NRXN1: variants seen among roughly 807,000 people sequenced by gnomAD.
NRXN1 encodes neurexin 1.
In NRXN1, 39 loss-of-function variants were observed where a neutral mutation model predicts 150.9. The observed-to-expected ratio is 0.26, with a 90% confidence interval of 0.20 to 0.34. The LOEUF is 0.34. NRXN1 is among the 10% of genes least tolerant of loss of function. NRXN1 has a pLI of 1.00. For synonymous variants in NRXN1, 924 were observed against 757.0 expected (o/e 1.22, Z -3.62); for missense variants, 1,815 against 1,949.9 (o/e 0.93, Z 1.30).
At chr2:50,483,100 G>A (rs2090602331) in intron 15 of NRXN1, among the ~76,000 whole-genome samples, 1 of 146,712 alleles carries the variant, frequency 6.8e-6, no homozygotes, top group African/African-American at 2.6e-5. Context: ...AACCAAGATG[G>A]CAATGAAAGT....
chr2:50,839,313 T>C (rs890181662), intron 5 of NRXN1, among the ~76,000 whole-genome samples: 4 of 152,154 alleles, frequency 2.6e-5, no homozygotes, highest in Admixed American at 1.3e-4. Context: ...TGCAAGAGGA[T>C]GTGAAATTTA....
chr2:50,116,539 G>T (rs1250429332), intron 18 of NRXN1, among the ~76,000 whole-genome samples: 2 of 151,998 alleles, frequency 1.3e-5, no homozygotes, highest in Non-Finnish European at 2.9e-5. Flanking sequence ...CTTAAAAAGG[G>T]ACCCTTCCAA....
intron 2 of NRXN1, among the ~76,000 whole-genome samples, chr2:51,021,418 T>C (rs369294739): frequency 6.6e-6 from 1 of 152,012 alleles, no homozygotes; most frequent in Non-Finnish European, 1.5e-5. Context: ...GTTTTCATAA[T>C]GTAGCTAAGA....
chr2:50,239,769 T>C (rs1412926321), intron 17 of NRXN1, among the ~76,000 whole-genome samples: 2 of 141,562 alleles, frequency 1.4e-5, no homozygotes, highest in South Asian at 2.2e-4. Flanking sequence ...AAAAGTTAAT[T>C]GGATGTCAGT....
At chr2:50,316,332 T>C (rs1442247671) in intron 17 of NRXN1, among the ~76,000 whole-genome samples, 1 of 152,028 alleles carries the variant, frequency 6.6e-6, no homozygotes, top group East Asian at 1.9e-4. Context: ...TGACTTGTAT[T>C]GGGAATAGTT....
At chr2:50,027,383 T>G (rs1480990697) in intron 21 of NRXN1, among the ~76,000 whole-genome samples, 4 of 139,080 alleles carry the variant, frequency 2.9e-5, no homozygotes, top group Non-Finnish European at 6.2e-5. Context: ...CCTTCCTTCC[T>G]CCCTCCCTTC....
chr2:50,297,339 A>C (rs543188788), intron 17 of NRXN1, among the ~76,000 whole-genome samples: 1 of 152,332 alleles, frequency 6.6e-6, no homozygotes, highest in African/African-American at 2.4e-5. Context: ...TTGGCTATGA[A>C]TACAAATAAG....
chr2:50,223,536 G>T (rs1296965405), intron 18 of NRXN1, among the ~76,000 whole-genome samples: 2 of 151,936 alleles, frequency 1.3e-5, no homozygotes, highest in Non-Finnish European at 2.9e-5. Flanking sequence ...ACGAGTAGCT[G>T]TCTAACCTTA....
chr2:50,586,152 T>A (rs554473902), intron 8 of NRXN1, among the ~76,000 whole-genome samples: 1 of 152,190 alleles, frequency 6.6e-6, no homozygotes, highest in East Asian at 1.9e-4. Flanking sequence ...GCCCCAAACC[T>A]ACTTACCCTC....
At chr2:50,756,521 C>A in intron 5 of NRXN1, among the ~76,000 whole-genome samples, 1 of 151,836 alleles carries the variant, frequency 6.6e-6, no homozygotes, top group East Asian at 1.9e-4. Context: ...ACCCTTTGTT[C>A]TAGCAATTTG....
In NRXN1 at chr2:50,495,968, C is replaced by T; in HGVS notation, c.3007G>A (p.Val1003Ile). ...ISRDTSNLHT[V>I]KIDTKITTQI... ...GTTGTGATTTTTGTGTCAATCTTTA[C>T]AGTGTGGAGGTTGCTGGTGTCCCTT... Residue 1003 changes from valine to isoleucine, a missense_variant, in exon 15 of 23, where the codon GTA becomes ATA. Val to Ile is a conservative substitution (Grantham distance 29). Around this residue, in one of 6 missense-constraint regions of NRXN1, gnomAD observed 339 missense variants for 440.3 expected, o/e 0.77. Coordinates refer to ENST00000401669, the MANE Select transcript of NRXN1 (RefSeq NM_001330078.2). 2 of 1,611,954 alleles carry T rather than the reference C, an allele frequency of 1.2e-6. No homozygotes were observed. Among genetic ancestry groups the T allele is most frequent in the Non-Finnish European group, 1.7e-6 (2 of 1,179,186 alleles).
At chr2:50,554,766 T>G (rs1667994737) in intron 8 of NRXN1, among the ~76,000 whole-genome samples, 1 of 152,170 alleles carries the variant, frequency 6.6e-6, no homozygotes, top group Non-Finnish European at 1.5e-5. Flanking sequence ...ACTAAATAAG[T>G]CACATCTTTC....
chr2:50,868,735 G>A (rs1677334255), intron 5 of NRXN1, among the ~76,000 whole-genome samples: 1 of 151,728 alleles, frequency 6.6e-6, no homozygotes, highest in Non-Finnish European at 1.5e-5. Context: ...GAGACTCATT[G>A]ACAGCATTTT....
chr2:50,732,430 C>T (rs1698214916), intron 5 of NRXN1, among the ~76,000 whole-genome samples: 5 of 152,114 alleles, frequency 3.3e-5, no homozygotes, highest in Admixed American at 3.3e-4. Context: ...TAGTTATCAA[C>T]ATCATGAGAA....
chr2:50,189,331 A>C lies in NRXN1; in HGVS notation c.3546+47458T>G, dbSNP rs367944945. On this transcript the variant is annotated intron_variant, in intron 18 of 22. Transcript: ENST00000401669. ...AGTTGAACAATGAGAACACATGGAC[A>C]CAGGGAGGGGAATATCACACACCTG... 1.0e-3 allele frequency among the ~76,000 whole-genome samples: 156 copies of C among 152,146 alleles called. 4 individuals are homozygous for C. In the South Asian group the frequency reaches 0.031, roughly 30 times the overall value.
chr2:50,313,911 C>G (rs567665847), intron 17 of NRXN1, among the ~76,000 whole-genome samples: 2 of 152,160 alleles, frequency 1.3e-5, no homozygotes, highest in South Asian at 4.1e-4. Context: ...ATGGGGAGCT[C>G]TGCTGTAAAT....
chr2:50,898,503 T>A (rs1318406570), intron 5 of NRXN1: 1 of 398,782 alleles, frequency 2.5e-6, no homozygotes, highest in Non-Finnish European at 4.9e-6. Context: ...CCAATAATTA[T>A]AACACATTTT....
intron 8 of NRXN1, among the ~76,000 whole-genome samples, chr2:50,587,064 T>C (rs1237589293): frequency 6.6e-6 from 1 of 152,282 alleles, no homozygotes; most frequent in Admixed American, 6.5e-5. Flanking sequence ...ATCTTGTCTC[T>C]ACCCAGCTCC....
At chr2:49,993,808 T>C (rs1682445371) in intron 21 of NRXN1, among the ~76,000 whole-genome samples, 1 of 152,060 alleles carries the variant, frequency 6.6e-6, no homozygotes, top group East Asian at 1.9e-4. Context: ...AATCCAAAGG[T>C]TCTGAATTCT....
Sources: gnomAD v4.1 joint callset for allele counts (sites outside exome capture counted in the v4.1 genomes callset) on GRCh38, gnomAD v4.1.1 for gene constraint, gnomAD v4.1.1 regional missense constraint, MANE v1.5 for transcripts, NCBI Gene and HGNC (gene_info 2026-07-23, HGNC 2026-07-21) for gene names.